MACC1: variants seen among roughly 807,000 people sequenced by gnomAD.
The protein encoded by MACC1 is MET transcriptional regulator MACC1, also known as metastasis-associated in colon cancer protein 1.
Under a neutral mutation model 70.7 loss-of-function variants are expected in MACC1, and 79 were observed. The ratio of observed to expected loss-of-function variants is 1.12; its 90% confidence interval spans 0.93 to 1.35. The LOEUF (loss-of-function observed/expected upper bound fraction) is 1.35. Among genes scored for constraint, MACC1 ranks in the 40% most tolerant of loss-of-function variants. The pLI is 0.00. For missense variants in MACC1, 1,106 were observed against 978.1 expected (o/e 1.13, Z -1.74); for synonymous variants, 361 against 347.2 (o/e 1.04, Z -0.44).
At position 20,212,269 on chromosome 7, in the gene MACC1, G is replaced by T. The variant is rs142953841; in HGVS notation, c.-218+5030C>A. Among the ~76,000 whole-genome samples the T allele has an allele frequency of 2.2e-4, 34 of 152,220 alleles. 2 individuals carry two copies. The East Asian group carries it at 6.2e-3, about 28-fold the overall frequency. On this transcript the variant is annotated intron_variant, in intron 1 of 6. Transcript: ENST00000400331. ...TGTATTGGGGAAATATCTAAATTAG[G>T]TGTCTTCCCAGTGGAAATAGAAAAC...
chr7:20,201,710 A>G (rs1782835819), intron 1 of MACC1, among the ~76,000 whole-genome samples: 1 of 152,226 alleles, frequency 6.6e-6, no homozygotes, highest in Non-Finnish European at 1.5e-5. Context: ...AGTGGTTGTA[A>G]GAATGGAGAG....
chr7:20,210,169 T>C (rs1782975201), intron 1 of MACC1, among the ~76,000 whole-genome samples: 1 of 152,216 alleles, frequency 6.6e-6, no homozygotes, highest in Admixed American at 6.5e-5. Flanking sequence ...TTGTGATTTG[T>C]AGATTTTCTA....
chr7:20,178,598 T>A (rs558399359), intron 1 of MACC1, among the ~76,000 whole-genome samples: 17 of 152,180 alleles, frequency 1.1e-4, no homozygotes, highest in Non-Finnish European at 2.2e-4. Flanking sequence ...CAGATTAACC[T>A]TTTTGTTTTT....
intron 1 of MACC1, among the ~76,000 whole-genome samples, chr7:20,183,195 G>C (rs993009997): frequency 6.6e-6 from 1 of 152,220 alleles, no homozygotes; most frequent in African/African-American, 2.4e-5. Context: ...CGTTGCAGAA[G>C]AGGAATTCAG....
chr7:20,155,759 A>G (rs547774932), intron 5 of MACC1, among the ~76,000 whole-genome samples: 3 of 152,230 alleles, frequency 2.0e-5, no homozygotes, highest in South Asian at 2.1e-4. Context: ...GGATCCATAC[A>G]TTTATACTGA....
rs1781785588 is a variant in MACC1, at chr7:20,140,803, A to T, written c.*143T>A. On this transcript the variant is annotated 3_prime_UTR_variant, in exon 7 of 7. Transcript: ENST00000400331. ...GCTTTTCTGAGATTCTTTCTTTCCT[A>T]CACACACACACACACACACACAGAC... 1 of 52,352 alleles carries T rather than the reference A, an allele frequency of 1.9e-5. No individual in the cohort carries two copies. The highest frequency in any genetic ancestry group is 1.7e-4 in the Admixed American group (1 of 5,862). The allele number at this position is 52,352 out of a possible 1,614,324, so 3.2% of individuals were successfully genotyped here. A position where few individuals can be genotyped will look rare whatever the true frequency, so the allele number is the denominator to read the frequency against.
chr7:20,216,252 A>G (rs1350572320), intron 1 of MACC1, among the ~76,000 whole-genome samples: 1 of 152,158 alleles, frequency 6.6e-6, no homozygotes, highest in African/African-American at 2.4e-5. Flanking sequence ...GGAAATTAGG[A>G]AGACCTTTAA....
intron 1 of MACC1, among the ~76,000 whole-genome samples, chr7:20,195,327 A>G (rs917401239): frequency 6.6e-6 from 1 of 152,214 alleles, no homozygotes; most frequent in Non-Finnish European, 1.5e-5. Context: ...TATTTCTCAT[A>G]AAAGATTATA....
intron 1 of MACC1, among the ~76,000 whole-genome samples, chr7:20,176,432 T>G (rs563501315): frequency 2.6e-5 from 4 of 152,238 alleles, no homozygotes; most frequent in African/African-American, 9.6e-5. Flanking sequence ...TCTATTGTTT[T>G]CAAAGCCTGT....
rs1783064912 is a variant in MACC1, at chr7:20,216,023, AATC to A, written c.-218+1273_-218+1275del. Among the ~76,000 whole-genome samples the A allele has an allele frequency of 5.9e-5, 9 of 152,270 alleles. No homozygotes were observed. The South Asian group carries it at 1.9e-3, about 32-fold the overall frequency. ...TCTAGATTCTGTACACTACCCATGA[AATC>A]ATATTAAAAATCGCTATTATGAATA... On this transcript the variant is annotated intron_variant, in intron 1 of 6. Transcript: ENST00000400331.
At chr7:20,214,587 CT>C (rs1382425998) in intron 1 of MACC1, among the ~76,000 whole-genome samples, 1 of 151,980 alleles carries the variant, frequency 6.6e-6, no homozygotes, top group African/African-American at 2.4e-5. Context: ...TAGGCAATAA[CT>C]ATATATAAAT....
chr7:20,173,112 T>C lies in MACC1; in HGVS notation c.-217-2334A>G, dbSNP rs139907308. On this transcript the variant is annotated intron_variant, in intron 1 of 6. Transcript: ENST00000400331. ...TAAAAATACAGATGCCCAGAAATCA[T>C]CCCAAAAATCCGAGATGGATCCCAG... Among the ~76,000 whole-genome samples the C allele has an allele frequency of 1.1e-4, 16 of 152,274 alleles. No individual in the cohort carries two copies. The East Asian group carries it at 2.9e-3, about 28-fold the overall frequency.
intron 2 of MACC1, among the ~76,000 whole-genome samples, chr7:20,165,069 C>T (rs1583391583): frequency 6.6e-6 from 1 of 152,214 alleles, no homozygotes; most frequent in East Asian, 1.9e-4. Context: ...AGGATCATAA[C>T]CTCTCAGAAA....
chr7:20,187,918 G>A (rs951343868), intron 1 of MACC1, among the ~76,000 whole-genome samples: 1 of 152,080 alleles, frequency 6.6e-6, no homozygotes, highest in African/African-American at 2.4e-5. Context: ...ATAAAGAACT[G>A]CCTGAGACTG....
intron 6 of MACC1, among the ~76,000 whole-genome samples, chr7:20,152,218 G>A (rs530654643): frequency 2.0e-5 from 3 of 152,198 alleles, no homozygotes; most frequent in Non-Finnish European, 2.9e-5. Flanking sequence ...AGTTTTTGGA[G>A]TGTGTGCCCT....
chr7:20,161,780 G>C lies in MACC1; in HGVS notation c.83C>G (p.Ala28Gly). 6.2e-7 allele frequency: 1 copy of C among 1,612,002 alleles called. No homozygotes were observed. The part of the protein sequence containing the change: ...MSEANLIDME[A>G]GKLSKSCNIT... ...ATTGCAACTTTTTGAGAGTTTTCCA[G>C]CTTCCATGTCAATCAAATTTGCTTC... Residue 28 changes from alanine to glycine, a missense_variant, in exon 4 of 7, where the codon GCT (alanine) becomes GGT (glycine). Transcript: ENST00000400331.
intron 1 of MACC1, among the ~76,000 whole-genome samples, chr7:20,211,135 T>C (rs1412771983): frequency 6.6e-6 from 1 of 152,166 alleles, no homozygotes; most frequent in Non-Finnish European, 1.5e-5. Flanking sequence ...CTCCCATCTA[T>C]CATTTCTCAG....
rs1781723181 is a variant in MACC1 at position 20,136,800 on chromosome 7, T to G, written c.*4146A>C. On this transcript the variant is annotated 3_prime_UTR_variant, in exon 7 of 7. Coordinates refer to ENST00000400331, the MANE Select transcript of MACC1 (RefSeq NM_182762.4). ...TCCTCCTTGCGATTATTATTGCGAT[T>G]AAGGATTATTATTAATTCTTAAAGA... is the stretch of plus-strand genomic sequence containing the variant. The G allele has an allele frequency of 6.6e-6, 1 of 151,300 alleles. No homozygotes were observed. Among genetic ancestry groups the G allele is most frequent in the Admixed American group, 6.6e-5 (1 of 15,160 alleles). The allele number at this position is 151,300 out of a possible 1,614,324, so 9.4% of individuals were successfully genotyped here. A position where few individuals can be genotyped will look rare whatever the true frequency, so the allele number is the denominator to read the frequency against.
chr7:20,149,510 C>A (rs762708452), intron 6 of MACC1, among the ~76,000 whole-genome samples: 1 of 152,048 alleles, frequency 6.6e-6, no homozygotes, highest in Non-Finnish European at 1.5e-5. Flanking sequence ...AAAATAGATT[C>A]CCAGAAAAGT....
Sources: gnomAD v4.1 joint callset for allele counts (sites outside exome capture counted in the v4.1 genomes callset) on GRCh38, gnomAD v4.1.1 for gene constraint, MANE v1.5 for transcripts, NCBI Gene and HGNC (gene_info 2026-07-23, HGNC 2026-07-21) for gene names.